Variants in METTL6 observed in about 807,000 individuals in gnomAD.
METTL6 encodes the protein tRNA N(3)-cytidine methyltransferase METTL6.
METTL6 carries 22 observed loss-of-function variants against 26.4 expected under a neutral mutation model. The ratio of observed to expected loss-of-function variants is 0.83; its 90% confidence interval spans 0.59 to 1.19. The LOEUF (loss-of-function observed/expected upper bound fraction) is 1.19. Among genes scored for constraint, METTL6 ranks in the 50% most tolerant of loss-of-function variants. The probability of loss-of-function intolerance (pLI) is 0.00; values close to 1 mark genes in which losing one functional copy is unlikely to be tolerated. For missense variants in METTL6, 304 were observed against 324.8 expected (o/e 0.94, Z 0.49); for synonymous variants, 109 against 116.2 (o/e 0.94, Z 0.40).
chr3:15,406,613 T>TAGAGAGAG (rs1699799333), downstream of METTL6, among the ~76,000 whole-genome samples: 1 of 66,088 alleles, frequency 1.5e-5, no homozygotes, highest in Admixed American at 1.6e-4. Flanking sequence ...TATATATATA[T>TAGAGAGAG]ATATATATAT....
chr3:15,415,348 G>A, intron 4 of METTL6: 1 of 685,120 alleles, frequency 1.5e-6, no homozygotes, highest in Non-Finnish European at 2.4e-6. Context: ...TTTTAGACAA[G>A]GTCTTGCTAT....
At position 15,418,061 on chromosome 3, in the gene METTL6, C is replaced by T. The variant is rs993865278; in HGVS notation, c.361-2119G>A. Among the ~76,000 whole-genome samples, 60 of 152,226 alleles carry T rather than the reference C, an allele frequency of 3.9e-4. 2 individuals carry two copies. Among genetic ancestry groups the T allele is most frequent in the African/African-American group, 9.6e-5 (4 of 41,456 alleles). ...AAACCTCACAGACAGCAACAACAGA[C>T]TTCAAACAACAGCCCAATTCCTGAC... On this transcript the variant is annotated intron_variant, in intron 3 of 5. Coordinates refer to ENST00000383790, the MANE Select transcript of METTL6 (RefSeq NM_152396.4).
In METTL6 at chr3:15,413,926, G is replaced by A. The variant is rs116028124; in HGVS notation, c.673+95C>T. 4.1e-4 allele frequency: 650 copies of A among 1,587,688 alleles called. 1 individual carries two copies. The African/African-American group carries it at 6.0e-3, about 15-fold the overall frequency. ...TGTTTCAGGGTCTCGTGCACATGTC[G>A]CAAGCCTTCTCCAAGCAGCCTTGCA... On this transcript the variant is annotated intron_variant, in intron 5 of 5. Transcript: ENST00000383790.
chr3:15,427,478 A>C lies in METTL6; in HGVS notation c.-201T>G, dbSNP rs887460335. 4.4e-6 allele frequency: 2 copies of C among 452,948 alleles called. No homozygotes were observed. Among genetic ancestry groups the C allele is most frequent in the East Asian group, 4.8e-5 (1 of 20,854 alleles). 28.1% of individuals were successfully genotyped at this position (452,948 alleles called of 1,614,324 possible). On this transcript the variant is annotated 5_prime_UTR_variant, in exon 1 of 6. Transcript: ENST00000383790. ...AAACAACCCTAAACCAATTCTGAGG[A>C]CCACGAATTCGGATTATCCGGGAGT...
chr3:15,420,925 T>C (rs1267022378), intron 3 of METTL6, among the ~76,000 whole-genome samples: 1 of 152,228 alleles, frequency 6.6e-6, no homozygotes, highest in East Asian at 1.9e-4. Flanking sequence ...CACTTTCAAA[T>C]GGCAGCTTAT....
Position 15,417,931 on chromosome 3 carries a change from A to AT in METTL6, c.361-1990dup, listed in dbSNP as rs139531898. ...ATTGCAGCTGGGAGAGCCACAACAG[A>AT]TAGACTCTTTGGGAAACGGTACAAA... On this transcript the variant is annotated intron_variant, in intron 3 of 5. Coordinates refer to ENST00000383790, the MANE Select transcript of METTL6 (RefSeq NM_152396.4). Among the ~76,000 whole-genome samples, 16 of 152,286 alleles carry AT rather than the reference A, an allele frequency of 1.1e-4. No individual in the cohort carries two copies. In the East Asian group the frequency reaches 2.9e-3, roughly 28 times the overall value.
At chr3:15,406,357 C>T (rs1045691432), downstream of METTL6, among the ~76,000 whole-genome samples, 8 of 151,052 alleles carry the variant, frequency 5.3e-5, no homozygotes, top group Non-Finnish European at 1.2e-4. Flanking sequence ...ATGTGTCCAG[C>T]GAGAATGAAC....
chr3:15,382,825 GCAA>G (rs146979114), exon 7 of METTL6: 11,946 of 152,140 alleles, frequency 0.079, 645 homozygotes, highest in African/African-American at 0.15. Context: ...TCTATCATTT[GCAA>G]CAACATGGGT....
intron 3 of METTL6, among the ~76,000 whole-genome samples, chr3:15,417,480 T>C (rs1242849448): frequency 1.3e-5 from 2 of 148,680 alleles, no homozygotes; most frequent in Non-Finnish European, 3.0e-5. Flanking sequence ...AATAAATAAA[T>C]AAATAAAATA....
chr3:15,418,467 T>C (rs1029688822), intron 3 of METTL6, among the ~76,000 whole-genome samples: 5 of 152,080 alleles, frequency 3.3e-5, no homozygotes, highest in African/African-American at 1.2e-4. Flanking sequence ...AACTTGATGA[T>C]AGGATAATAG....
At chr3:15,403,519 T>C (rs899081684) in intron 6 of METTL6, among the ~76,000 whole-genome samples, 3 of 152,214 alleles carry the variant, frequency 2.0e-5, no homozygotes, top group South Asian at 2.1e-4. Context: ...GTGACAGTTA[T>C]GGCACTCACG....
chr3:15,415,420 G>C, intron 4 of METTL6: 2 of 1,367,016 alleles, frequency 1.5e-6, no homozygotes, highest in South Asian at 2.5e-5. Context: ...GCATCCCAAA[G>C]TGTTGGGATT....
At position 15,414,301 on chromosome 3, in the gene METTL6, C is replaced by G. The variant is rs955885148; in HGVS notation, c.532-139G>C. On this transcript the variant is annotated intron_variant, in intron 4 of 5. Transcript: ENST00000383790. ...TGCCCATAATACGGAACCAAAATGG[C>G]CTACTACTTAAAAAGATAGTAAGAC... is the stretch of plus-strand genomic sequence containing the variant. 13 of 1,441,488 alleles carry G rather than the reference C, an allele frequency of 9.0e-6. No homozygotes were observed. In the East Asian group the frequency reaches 3.2e-4, roughly 36 times the overall value. The allele number at this position is 1,441,488 out of a possible 1,614,324, so 89.3% of individuals were successfully genotyped here.
At chr3:15,408,466 G>A (rs760192222), downstream of METTL6, among the ~76,000 whole-genome samples, 2 of 151,620 alleles carry the variant, frequency 1.3e-5, no homozygotes, top group Non-Finnish European at 2.9e-5. Context: ...CGAGGAATGT[G>A]AGGTTCAAAC....
downstream of METTL6, among the ~76,000 whole-genome samples, chr3:15,406,885 C>T (rs1364626562): frequency 6.6e-6 from 1 of 152,086 alleles, no homozygotes; most frequent in Non-Finnish European, 1.5e-5. Flanking sequence ...CTGCCTCAAC[C>T]TCCCAAAATG....
intron 6 of METTL6, among the ~76,000 whole-genome samples, chr3:15,386,006 AAAG>A (rs1386398615): frequency 2.0e-5 from 3 of 152,208 alleles, no homozygotes; most frequent in Admixed American, 2.0e-4. Context: ...TTAGAGAAGA[AAAG>A]AAACAAAAGA....
At chr3:15,385,563 A>G (rs1239645959) in intron 6 of METTL6, among the ~76,000 whole-genome samples, 1 of 152,092 alleles carries the variant, frequency 6.6e-6, no homozygotes, top group Non-Finnish European at 1.5e-5. Context: ...GTGCCACTGC[A>G]CTCCAGCCTG....
At chr3:15,418,762 G>C (rs2125011632) in intron 3 of METTL6, among the ~76,000 whole-genome samples, 1 of 152,256 alleles carries the variant, frequency 6.6e-6, no homozygotes, top group Admixed American at 6.5e-5. Context: ...TGGGCGCAGT[G>C]GCTCACACCT....
intron 6 of METTL6, among the ~76,000 whole-genome samples, chr3:15,403,898 C>G (rs536161162): frequency 1.3e-5 from 2 of 152,144 alleles, no homozygotes; most frequent in South Asian, 4.1e-4. Context: ...TCATAAAGGG[C>G]AACTTCCTGA....
Sources: gnomAD v4.1 joint callset for allele counts (sites outside exome capture counted in the v4.1 genomes callset) on GRCh38, gnomAD v4.1.1 for gene constraint, MANE v1.5 for transcripts, NCBI Gene and HGNC (gene_info 2026-07-23, HGNC 2026-07-21) for gene names.